GRB2: variants seen among roughly 807,000 people sequenced by gnomAD.
The protein encoded by GRB2 is growth factor receptor-bound protein 2.
In GRB2, 2 loss-of-function variants were observed where a neutral mutation model predicts 27.4. That is an observed-to-expected ratio of 0.07 (90% confidence interval 0.03 to 0.23). The LOEUF is 0.23. Ranked by LOEUF, GRB2 falls within the 10% of genes least tolerant of loss-of-function variation. The pLI is 1.00. For missense variants in GRB2, 102 were observed against 282.4 expected (o/e 0.36, Z 4.58); for synonymous variants, 94 against 99.6 (o/e 0.94, Z 0.33).
chr17:75,351,516 T>C (rs1277553160), intron 2 of GRB2, among the ~76,000 whole-genome samples: 1 of 151,878 alleles, frequency 6.6e-6, no homozygotes, highest in African/African-American at 2.4e-5. Context: ...TAGCTGGGTA[T>C]AGTGGTGTGC....
At chr17:75,388,461 G>T (rs1368012747) in intron 2 of GRB2, among the ~76,000 whole-genome samples, 2 of 151,684 alleles carry the variant, frequency 1.3e-5, no homozygotes, top group African/African-American at 2.4e-5. Context: ...CAACAAGATT[G>T]ATAAGAATTC....
chr17:75,384,678 A>G lies in GRB2; in HGVS notation c.78+8873T>C, dbSNP rs145806028. On this transcript the variant is annotated intron_variant, in intron 2 of 5. Coordinates refer to ENST00000316804, the MANE Select transcript of GRB2 (RefSeq NM_002086.5). ...GAGACTCTTGTCTCAAAATAACATA[A>G]CATAACATAAAATAAAATAAATAAT... 2.1e-3 allele frequency among the ~76,000 whole-genome samples: 319 copies of G among 152,226 alleles called. 3 individuals are homozygous for G. Among genetic ancestry groups the G allele is most frequent in the Middle Eastern group, 0.014 (4 of 294 alleles).
intron 2 of GRB2, among the ~76,000 whole-genome samples, chr17:75,380,319 T>A (rs2078919946): frequency 6.7e-6 from 1 of 150,320 alleles, no homozygotes; most frequent in South Asian, 2.1e-4. Flanking sequence ...TACTGCTTTT[T>A]CTGATTACAA....
chr17:75,384,842 G>C (rs997461656), intron 2 of GRB2, among the ~76,000 whole-genome samples: 3 of 151,464 alleles, frequency 2.0e-5, no homozygotes, highest in African/African-American at 7.3e-5. Context: ...AAGAGGAAAA[G>C]ACAGCAATTT....
chr17:75,388,222 G>A (rs1268342621), intron 2 of GRB2, among the ~76,000 whole-genome samples: 1 of 151,856 alleles, frequency 6.6e-6, no homozygotes. Flanking sequence ...TCAGCCTCCC[G>A]AGTAGCTGGG....
intron 5 of GRB2, among the ~76,000 whole-genome samples, chr17:75,321,327 C>T (rs1370772250): frequency 1.3e-5 from 2 of 152,022 alleles, no homozygotes; most frequent in African/African-American, 4.8e-5. Context: ...CAGGTGTGCG[C>T]CACCACATCC....
intron 2 of GRB2, among the ~76,000 whole-genome samples, chr17:75,367,053 T>C (rs1489250246): frequency 2.0e-5 from 3 of 152,200 alleles, no homozygotes; most frequent in African/African-American, 7.2e-5. Flanking sequence ...CTATCATTTA[T>C]AGGGCCACAC....
chr17:75,341,022 A>G (rs2078617169), intron 2 of GRB2, among the ~76,000 whole-genome samples: 3 of 152,226 alleles, frequency 2.0e-5, no homozygotes, highest in Non-Finnish European at 4.4e-5. Flanking sequence ...CAACTACAGC[A>G]AGGCCACGGC....
At position 75,332,708 on chromosome 17, in the gene GRB2, T is replaced by C. The variant is rs2078549388; in HGVS notation, c.168A>G (p.Lys56=). The part of the protein sequence containing the change: ...GFIPKNYIEM[K]PHPWFFGKIP... ...AATGGAGCTTAACTTACGGATGTGG[T>C]TTCATTTCTATGTAGTTCTTGGGAA... The change falls in exon 3 of 6, where the codon AAA becomes AAG. Residue 56 remains lysine, a synonymous_variant. Coordinates refer to ENST00000316804, the MANE Select transcript of GRB2 (RefSeq NM_002086.5). 2 of 1,598,820 alleles carry C rather than the reference T, an allele frequency of 1.3e-6. No individual in the cohort carries two copies. Among genetic ancestry groups the C allele is most frequent in the Admixed American group, 1.7e-5 (1 of 59,642 alleles).
At chr17:75,327,679 T>A (rs919863500) in intron 3 of GRB2, among the ~76,000 whole-genome samples, 4 of 152,152 alleles carry the variant, frequency 2.6e-5, no homozygotes, top group African/African-American at 9.7e-5. Flanking sequence ...AATTTACATA[T>A]CTTACTTATA....
intron 2 of GRB2, among the ~76,000 whole-genome samples, chr17:75,340,742 T>G (rs564026295): frequency 7.2e-5 from 11 of 152,284 alleles, no homozygotes; most frequent in Admixed American, 7.2e-4. Flanking sequence ...TTTAAATAAG[T>G]GCTTCACAAT....
chr17:75,325,851 ATCAG>A (rs1173599790), intron 4 of GRB2, 43 bp downstream of exon 4: 3 of 1,605,964 alleles, frequency 1.9e-6, no homozygotes, highest in African/African-American at 2.7e-5. Context: ...CACAATTTGG[ATCAG>A]TCAGAGACAG....
At chr17:75,336,603 T>C (rs1474964658) in intron 2 of GRB2, among the ~76,000 whole-genome samples, 1 of 151,984 alleles carries the variant, frequency 6.6e-6, no homozygotes, top group African/African-American at 2.4e-5. Flanking sequence ...CAAACACAAC[T>C]CCAGGGCAAC....
In GRB2 at chr17:75,373,985, C is replaced by A. The variant is rs540717870; in HGVS notation, c.78+19566G>T. 4.6e-5 allele frequency among the ~76,000 whole-genome samples: 7 copies of A among 151,596 alleles called. 1 individual carries two copies. In the South Asian group the frequency reaches 1.5e-3, roughly 32 times the overall value. On this transcript the variant is annotated intron_variant, in intron 2 of 5. Coordinates refer to ENST00000316804, the MANE Select transcript of GRB2 (RefSeq NM_002086.5). ...ATTTTTTTTGCATTTTTAGTAGAGACAGGGTTTCACCGTGTTAGCCAGGAT... is the reference window on the plus strand; with the variant it reads ...ATTTTTTTTGCATTTTTAGTAGAGAAAGGGTTTCACCGTGTTAGCCAGGAT...
intron 2 of GRB2, among the ~76,000 whole-genome samples, chr17:75,392,748 A>G (rs1236748280): frequency 6.6e-6 from 1 of 152,216 alleles, no homozygotes; most frequent in African/African-American, 2.4e-5. Flanking sequence ...GTTAAAATAA[A>G]TTACACATCC....
At chr17:75,392,511 C>T (rs1033061743) in intron 2 of GRB2, among the ~76,000 whole-genome samples, 1 of 152,112 alleles carries the variant, frequency 6.6e-6, no homozygotes, top group Non-Finnish European at 1.5e-5. Flanking sequence ...AAAGACTGCA[C>T]GTCCTTTTAT....
At chr17:75,378,412 C>A (rs1046367932) in intron 2 of GRB2, among the ~76,000 whole-genome samples, 2 of 150,964 alleles carry the variant, frequency 1.3e-5, no homozygotes, top group Non-Finnish European at 2.9e-5. Flanking sequence ...ACACCCAAAC[C>A]CAAAAGCAAG....
chr17:75,345,634 G>T (rs1425572508), intron 2 of GRB2, among the ~76,000 whole-genome samples: 1 of 152,110 alleles, frequency 6.6e-6, no homozygotes, highest in Non-Finnish European at 1.5e-5. Context: ...TCCAAATCGG[G>T]AAAGGCTTGT....
In GRB2 at chr17:75,367,862, T is replaced by C. The variant is rs545175686; in HGVS notation, c.78+25689A>G. On this transcript the variant is annotated intron_variant, in intron 2 of 5. Transcript: ENST00000316804. The stretch of plus-strand genomic sequence containing the variant: ...AATCCTGTTATTTCTTCTCTTAAAA[T>C]ACTCTTTAGATTTTTTTCGTTGTTT... Among the ~76,000 whole-genome samples the C allele has an allele frequency of 4.0e-5, 3 of 75,522 alleles. No individual in the cohort carries two copies. In the South Asian group the frequency reaches 1.4e-3, roughly 36 times the overall value. 49.5% of individuals were successfully genotyped at this position (75,522 alleles called of 152,430 possible). A position where few individuals can be genotyped will look rare whatever the true frequency, so the allele number is the denominator to read the frequency against.
Sources: allele counts gnomAD v4.1 joint callset (sites outside exome capture counted in the v4.1 genomes callset), GRCh38; gene constraint gnomAD v4.1.1; transcripts MANE v1.5; gene names NCBI Gene and HGNC (gene_info 2026-07-23, HGNC 2026-07-21).